Variants in PPP3R1 observed in about 807,000 individuals in gnomAD.
PPP3R1 encodes the protein calcineurin subunit B type 1.
Under a neutral mutation model 22.6 loss-of-function variants are expected in PPP3R1, and 5 were observed. The ratio of observed to expected loss-of-function variants is 0.22; its 90% CI spans 0.12 to 0.46. PPP3R1 has a LOEUF of 0.46. Among genes scored for constraint, PPP3R1 ranks in the 20% least tolerant of loss-of-function variants. The probability of loss-of-function intolerance (pLI) is 0.99; values close to 1 mark genes in which losing one functional copy is unlikely to be tolerated. For synonymous variants in PPP3R1, 56 were observed against 65.2 expected, an observed-to-expected ratio of 0.86 and a Z score of 0.68; for missense variants, 61 against 203.2, an observed-to-expected ratio of 0.30 and a Z score of 4.25.
chr2:68,243,365 A>C (rs576191177), intron 1 of PPP3R1, among the ~76,000 whole-genome samples: 48 of 152,328 alleles, frequency 3.2e-4, no homozygotes, highest in African/African-American at 1.1e-3. Flanking sequence ...GATGTTGACC[A>C]TAAGTTTCCT....
At chr2:68,193,135 G>A (rs1478082953) in intron 2 of PPP3R1, among the ~76,000 whole-genome samples, 1 of 152,146 alleles carries the variant, frequency 6.6e-6, no homozygotes, top group Non-Finnish European at 1.5e-5. Context: ...TGCTCTGGAT[G>A]AGTAGTCAAA....
intron 3 of PPP3R1, among the ~76,000 whole-genome samples, chr2:68,187,876 A>C (rs1446701774): frequency 1.3e-5 from 2 of 152,220 alleles, no homozygotes; most frequent in Non-Finnish European, 2.9e-5. Context: ...AACAAACAAA[A>C]AAAAAAACTG....
intron 2 of PPP3R1, among the ~76,000 whole-genome samples, chr2:68,213,515 T>A (rs1437449579): frequency 5.3e-5 from 8 of 152,054 alleles, no homozygotes; most frequent in African/African-American, 1.9e-4. Flanking sequence ...ATGATTACAA[T>A]AGTAACATCA....
intron 2 of PPP3R1, among the ~76,000 whole-genome samples, chr2:68,201,482 T>C (rs920008141): frequency 6.6e-6 from 1 of 152,334 alleles, no homozygotes; most frequent in East Asian, 1.9e-4. Context: ...CGGCTTTTAC[T>C]TTCTTCTTGA....
chr2:68,235,185 C>G (rs1669996459), intron 1 of PPP3R1, among the ~76,000 whole-genome samples: 1 of 152,160 alleles, frequency 6.6e-6, no homozygotes, highest in African/African-American at 2.4e-5. Context: ...AATAAGCCTA[C>G]CACCTGTTTT....
At chr2:68,209,476 A>C (rs1035218337) in intron 2 of PPP3R1, among the ~76,000 whole-genome samples, 1 of 151,410 alleles carries the variant, frequency 6.6e-6, no homozygotes, top group Non-Finnish European at 1.5e-5. Context: ...AATAAAGGCC[A>C]GGTACAGTAG....
At chr2:68,203,564 G>A (rs1306846729) in intron 2 of PPP3R1, among the ~76,000 whole-genome samples, 1 of 150,916 alleles carries the variant, frequency 6.6e-6, no homozygotes, top group African/African-American at 2.4e-5. Flanking sequence ...TCGCGCCATT[G>A]CACTCCAGCC....
chr2:68,215,824 GA>G (rs1310916807), intron 2 of PPP3R1, among the ~76,000 whole-genome samples: 1 of 152,100 alleles, frequency 6.6e-6, no homozygotes, highest in Admixed American at 6.6e-5. Context: ...AGTGGGTGGG[GA>G]AAGAGTAGAG....
At chr2:68,224,319 C>T (rs571315618) in intron 1 of PPP3R1, among the ~76,000 whole-genome samples, 27 of 152,206 alleles carry the variant, frequency 1.8e-4, no homozygotes, top group Non-Finnish European at 3.4e-4. Context: ...GCCAAGGGAT[C>T]TGAATGAAAA....
intron 1 of PPP3R1, among the ~76,000 whole-genome samples, chr2:68,244,901 G>A (rs539447865): frequency 6.6e-6 from 1 of 152,208 alleles, no homozygotes; most frequent in South Asian, 2.1e-4. Flanking sequence ...AAAAGACAAA[G>A]ACAAGGCTTC....
intron 2 of PPP3R1, among the ~76,000 whole-genome samples, chr2:68,199,553 G>A (rs897510888): frequency 3.9e-5 from 6 of 152,232 alleles, no homozygotes; most frequent in African/African-American, 1.4e-4. Context: ...AGGTAGAAAC[G>A]ATTCAGCCTT....
intron 2 of PPP3R1, among the ~76,000 whole-genome samples, chr2:68,205,723 C>T (rs1277891572): frequency 6.6e-6 from 1 of 152,102 alleles, no homozygotes; most frequent in African/African-American, 2.4e-5. Flanking sequence ...ATGAAGATGA[C>T]CTTGATAGCA....
chr2:68,182,071 A>AC (rs200145582), intron 5 of PPP3R1, among the ~76,000 whole-genome samples: 421 of 38,570 alleles, frequency 0.011, 5 homozygotes, highest in Non-Finnish European at 0.015. Flanking sequence ...CCCTCCTCCA[A>AC]CCCCCCCCTC....
chr2:68,191,252 A>C (rs1333531902), intron 2 of PPP3R1, among the ~76,000 whole-genome samples: 1 of 152,170 alleles, frequency 6.6e-6, no homozygotes, highest in African/African-American at 2.4e-5. Context: ...ACAGCCTACT[A>C]CACACCCAGG....
intron 2 of PPP3R1, among the ~76,000 whole-genome samples, chr2:68,214,991 G>A (rs1047645279): frequency 1.3e-5 from 2 of 152,002 alleles, no homozygotes; most frequent in African/African-American, 2.4e-5. Context: ...GCAGCAACAC[G>A]GATGCAGCCG....
chr2:68,190,254 TTA>T (rs386390391), intron 2 of PPP3R1, among the ~76,000 whole-genome samples: 38,515 of 84,880 alleles, frequency 0.45, 9,703 homozygotes, highest in South Asian at 0.65. Context: ...CAAGTTTCTC[TTA>T]AAAAAAAAAA....
chr2:68,201,490 T>G (rs1674974750), intron 2 of PPP3R1, among the ~76,000 whole-genome samples: 1 of 152,224 alleles, frequency 6.6e-6, no homozygotes, highest in Non-Finnish European at 1.5e-5. Flanking sequence ...ACTTTCTTCT[T>G]GAAGACATTC....
intron 2 of PPP3R1, among the ~76,000 whole-genome samples, chr2:68,205,103 A>G (rs1477188409): frequency 2.6e-5 from 4 of 152,194 alleles, no homozygotes; most frequent in Non-Finnish European, 4.4e-5. Context: ...CAAAGTTTGA[A>G]AAAAGAGTAT....
intron 2 of PPP3R1, among the ~76,000 whole-genome samples, chr2:68,203,581 A>G (rs1240485802): frequency 6.7e-6 from 1 of 148,334 alleles, no homozygotes; most frequent in East Asian, 2.0e-4. Flanking sequence ...AGCCTGGGCA[A>G]CAAGAAAGAA....
Sources: allele counts gnomAD v4.1 joint callset (sites outside exome capture counted in the v4.1 genomes callset), GRCh38; gene constraint gnomAD v4.1.1; transcripts MANE v1.5; gene names NCBI Gene and HGNC (gene_info 2026-07-23, HGNC 2026-07-21).